The following SCAMP1 variants were observed in gnomAD, a reference collection of about 807,000 sequenced individuals.
SCAMP1 encodes secretory carrier membrane protein 1.
In SCAMP1, 15 loss-of-function variants were observed where a neutral mutation model predicts 41.8. The ratio of observed to expected loss-of-function variants is 0.36; its 90% CI spans 0.24 to 0.55. The LOEUF is 0.55. Ranked by LOEUF, SCAMP1 falls within the 20% of genes least tolerant of loss-of-function variation. The pLI is 0.86. For missense variants in SCAMP1, 341 were observed against 412.6 expected (o/e 0.83, Z 1.50); for synonymous variants, 135 against 136.8 (o/e 0.99, Z 0.09).
intron 1 of SCAMP1, among the ~76,000 whole-genome samples, chr5:78,382,690 T>C (rs1489387366): frequency 6.6e-6 from 1 of 152,290 alleles, no homozygotes; most frequent in Non-Finnish European, 1.5e-5. Flanking sequence ...CCTCAGTTAC[T>C]TCACTTAGAA....
At chr5:78,444,037 T>G (rs1752995420) in intron 6 of SCAMP1, among the ~76,000 whole-genome samples, 1 of 152,264 alleles carries the variant, frequency 6.6e-6, no homozygotes, top group Middle Eastern at 3.4e-3. Flanking sequence ...ATGCAAATTT[T>G]TTTTGCACTG....
At chr5:78,409,420 GAT>G (rs1752014161) in intron 2 of SCAMP1, among the ~76,000 whole-genome samples, 1 of 48,714 alleles carries the variant, frequency 2.1e-5, no homozygotes, top group Admixed American at 2.5e-4. Context: ...GACACATATA[GAT>G]ACACACACAC....
At chr5:78,362,281 A>T (rs572434559) in intron 1 of SCAMP1, among the ~76,000 whole-genome samples, 2 of 152,346 alleles carry the variant, frequency 1.3e-5, no homozygotes, top group Admixed American at 1.3e-4. Context: ...TAATTCACTG[A>T]CGCTGTTTAT....
At chr5:78,447,504 A>G (rs1028605065) in intron 6 of SCAMP1, among the ~76,000 whole-genome samples, 14 of 152,222 alleles carry the variant, frequency 9.2e-5, no homozygotes, top group African/African-American at 3.4e-4. Context: ...GTAATGCAGA[A>G]AGGACAGTCT....
chr5:78,391,878 G>A (rs938913169), intron 2 of SCAMP1, among the ~76,000 whole-genome samples: 3 of 152,190 alleles, frequency 2.0e-5, no homozygotes, highest in African/African-American at 4.8e-5. Flanking sequence ...GTGGCGGCGC[G>A]CGCCTGCAAT....
In SCAMP1 at chr5:78,479,771, G is replaced by A. The variant is rs185956142; in HGVS notation, c.*4103G>A. Among the ~76,000 whole-genome samples, 9 of 152,288 alleles carry A rather than the reference G, an allele frequency of 5.9e-5. No individual in the cohort carries two copies. The highest frequency in any genetic ancestry group is 1.2e-4 in the African/African-American group (5 of 41,550). ...AATGTATAGGATTTTGGCCAGGTGT[G>A]GTGGCTCACGCCTGTAATCCCAGCA... On this transcript the variant is annotated 3_prime_UTR_variant, in exon 9 of 9. Coordinates refer to ENST00000621999, the MANE Select transcript of SCAMP1 (RefSeq NM_004866.6).
intron 2 of SCAMP1, among the ~76,000 whole-genome samples, chr5:78,391,288 C>T (rs1474326847): frequency 1.3e-5 from 2 of 150,742 alleles, no homozygotes; most frequent in Admixed American, 6.6e-5. Flanking sequence ...GGGGCTGACC[C>T]CCCCACCTCC....
intron 6 of SCAMP1, among the ~76,000 whole-genome samples, chr5:78,444,948 A>G (rs1211458884): frequency 6.6e-6 from 1 of 152,246 alleles, no homozygotes; most frequent in Non-Finnish European, 1.5e-5. Context: ...ACACAACTTT[A>G]AGTGGGAGAG....
At chr5:78,393,265 C>A (rs1351892701) in intron 2 of SCAMP1, among the ~76,000 whole-genome samples, 2 of 152,158 alleles carry the variant, frequency 1.3e-5, no homozygotes, top group East Asian at 3.8e-4. Flanking sequence ...CAGCCCCAAA[C>A]TCCTGAGCTC....
chr5:78,423,684 T>TTCC (rs35171146), intron 6 of SCAMP1, among the ~76,000 whole-genome samples: 3 of 151,550 alleles, frequency 2.0e-5, no homozygotes, highest in Non-Finnish European at 4.4e-5. Flanking sequence ...CTTTTTTTTT[T>TTCC]CCCCCATTTT....
chr5:78,423,032 A>G (rs1580682886), intron 6 of SCAMP1, among the ~76,000 whole-genome samples: 1 of 64,226 alleles, frequency 1.6e-5, no homozygotes, highest in African/African-American at 3.4e-5. Flanking sequence ...ACACACACAC[A>G]CACACACACA....
intron 8 of SCAMP1, among the ~76,000 whole-genome samples, chr5:78,473,521 C>A (rs887574530): frequency 1.3e-5 from 2 of 152,104 alleles, no homozygotes; most frequent in Non-Finnish European, 2.9e-5. Context: ...AGGTTTGTTA[C>A]AAGGGTATAT....
intron 1 of SCAMP1, among the ~76,000 whole-genome samples, chr5:78,379,350 C>T (rs1256464847): frequency 1.3e-5 from 2 of 152,146 alleles, no homozygotes; most frequent in Non-Finnish European, 1.5e-5. Context: ...TTGTCTTCTC[C>T]CAGGTTAGAG....
At chr5:78,475,165 T>C (rs1037899969) in intron 8 of SCAMP1, among the ~76,000 whole-genome samples, 3 of 152,196 alleles carry the variant, frequency 2.0e-5, no homozygotes, top group African/African-American at 4.8e-5. Context: ...TTTCTTGTTA[T>C]TATGTTTAAA....
At chr5:78,384,694 T>TC (rs1554041582) in intron 1 of SCAMP1, among the ~76,000 whole-genome samples, 1 of 152,052 alleles carries the variant, frequency 6.6e-6, no homozygotes, top group African/African-American at 2.4e-5. Flanking sequence ...TGCTTTTTTT[T>TC]GTCTATTGAG....
intron 6 of SCAMP1, among the ~76,000 whole-genome samples, chr5:78,429,547 C>T (rs554642228): frequency 6.6e-6 from 1 of 152,032 alleles, no homozygotes; most frequent in African/African-American, 2.4e-5. Flanking sequence ...TGAGTTCCTT[C>T]TGGGAGTTGC....
chr5:78,389,113 G>A (rs1401271146), intron 2 of SCAMP1, among the ~76,000 whole-genome samples, 199 bp downstream of exon 2: 1 of 152,098 alleles, frequency 6.6e-6, no homozygotes, highest in Non-Finnish European at 1.5e-5. Flanking sequence ...TGATCCTAGT[G>A]AAATACTTCA....
At chr5:78,438,594 T>G (rs1752827940) in intron 6 of SCAMP1, among the ~76,000 whole-genome samples, 1 of 152,236 alleles carries the variant, frequency 6.6e-6, no homozygotes, top group Non-Finnish European at 1.5e-5. Flanking sequence ...TGTTGTGATT[T>G]CTGTTCTTTT....
intron 2 of SCAMP1, among the ~76,000 whole-genome samples, chr5:78,408,264 C>T (rs986913756): frequency 2.6e-5 from 4 of 152,024 alleles, no homozygotes; most frequent in African/African-American, 9.7e-5. Flanking sequence ...AGGGGAAGTC[C>T]CCTTTATAAA....
Sources: gnomAD v4.1 joint callset for allele counts (sites outside exome capture counted in the v4.1 genomes callset) on GRCh38, gnomAD v4.1.1 for gene constraint, MANE v1.5 for transcripts, NCBI Gene and HGNC (gene_info 2026-07-23, HGNC 2026-07-21) for gene names.